Variants in ROBO2 observed in about 807,000 individuals in gnomAD.
ROBO2 encodes the protein roundabout guidance receptor 2.
ROBO2 carries 53 observed loss-of-function variants against 160.8 expected under a neutral mutation model. The observed-to-expected ratio is 0.33, with a 90% CI of 0.26 to 0.41. The LOEUF is 0.41. Among genes scored for constraint, ROBO2 ranks in the 10% least tolerant of loss-of-function variants. ROBO2 has a pLI of 1.00. For synonymous variants in ROBO2, 664 were observed against 611.7 expected (o/e 1.09, Z -1.26); for missense variants, 1,577 against 1,722.4 (o/e 0.92, Z 1.49).
At chr3:77,499,576 A>G (rs1311141111) in intron 5 of ROBO2, among the ~76,000 whole-genome samples, 2 of 151,896 alleles carry the variant, frequency 1.3e-5, no homozygotes, top group Non-Finnish European at 2.9e-5. Context: ...ATATAATGAC[A>G]CATTTTCCTA....
chr3:77,510,837 A>G (rs906707997), intron 5 of ROBO2, among the ~76,000 whole-genome samples: 1 of 152,056 alleles, frequency 6.6e-6, no homozygotes, highest in Non-Finnish European at 1.5e-5. Context: ...TATGTCAGAC[A>G]CGGAGTAATT....
rs188837245 is a variant in ROBO2, at chr3:76,405,191, A to T, written c.109+467589A>T. Among the ~76,000 whole-genome samples the T allele has an allele frequency of 6.9e-4, 105 of 151,678 alleles. 1 individual carries two copies. Among genetic ancestry groups the T allele is most frequent in the Non-Finnish European group, 1.2e-3 (78 of 67,686 alleles). The stretch of plus-strand genomic sequence containing the variant: ...TGAACACAGATTTAAATAATAAGGT[A>T]TGAGCCTTGGGAAAAATCCAGCCAG... On this transcript the variant is annotated intron_variant, in intron 2 of 26. Coordinates refer to the ROBO2 transcript ENST00000487694.
intron 2 of ROBO2, among the ~76,000 whole-genome samples, chr3:76,877,629 G>A (rs2072890927): frequency 6.6e-6 from 1 of 152,154 alleles, no homozygotes; most frequent in Non-Finnish European, 1.5e-5. Context: ...ACAGTAGATA[G>A]TCTATACATA....
rs565916643 is a variant in ROBO2, at chr3:75,990,017, A to G, written c.109+52415A>G. ...ATAAAAAATATCTCAACTGTATTGC[A>G]TAATTTCTAAACTGTAACTTTTCTA... On this transcript the variant is annotated intron_variant, in intron 2 of 26. Coordinates refer to the ROBO2 transcript ENST00000487694. Among the ~76,000 whole-genome samples the G allele has an allele frequency of 3.0e-3, 455 of 152,320 alleles. 3 individuals carry two copies. Among genetic ancestry groups the G allele is most frequent in the Non-Finnish European group, 4.2e-3 (289 of 68,030 alleles).
intron 2 of ROBO2, among the ~76,000 whole-genome samples, chr3:76,218,360 A>T (rs1236073556): frequency 6.6e-6 from 1 of 152,194 alleles, no homozygotes; most frequent in East Asian, 1.9e-4. Flanking sequence ...TTAGGAAAAG[A>T]GGAAGTCAAA....
At chr3:76,681,164 T>C (rs1001618569) in intron 2 of ROBO2, among the ~76,000 whole-genome samples, 18 of 152,144 alleles carry the variant, frequency 1.2e-4, no homozygotes, top group African/African-American at 3.4e-4. Context: ...TAATCTAAAA[T>C]CAAACTTTAA....
chr3:77,054,946 G>GTGTGTC (rs1380603171), intron 1 of ROBO2, among the ~76,000 whole-genome samples: 2 of 151,868 alleles, frequency 1.3e-5, no homozygotes, highest in Non-Finnish European at 2.9e-5. Context: ...GTGTGTGTGT[G>GTGTGTC]TGTGTGTGTA....
At chr3:76,477,386 G>T (rs2078983705) in intron 2 of ROBO2, among the ~76,000 whole-genome samples, 8 of 152,032 alleles carry the variant, frequency 5.3e-5, no homozygotes, top group Admixed American at 5.3e-4. Context: ...TGATTAAACA[G>T]CACCCTACTC....
rs569977682 is a variant in ROBO2 at position 76,287,808 on chromosome 3, T to A, written c.109+350206T>A. Among the ~76,000 whole-genome samples, 13 of 152,354 alleles carry A rather than the reference T, an allele frequency of 8.5e-5. No homozygotes were observed. In the South Asian group the frequency reaches 2.7e-3, roughly 32 times the overall value. ...GGTTGCTGTGAGAAATAAAGTAAGA[T>A]ACATATCTGCACTTAGAAAACTGTC... On this transcript the variant is annotated intron_variant, in intron 2 of 26. Coordinates refer to the ROBO2 transcript ENST00000487694.
chr3:76,762,083 G>T (rs2061338032), intron 2 of ROBO2, among the ~76,000 whole-genome samples: 1 of 151,266 alleles, frequency 6.6e-6, no homozygotes, highest in African/African-American at 2.4e-5. Context: ...ACTTCATAAT[G>T]TGGAGGAGTC....
intron 1 of ROBO2, among the ~76,000 whole-genome samples, chr3:75,920,751 C>A (rs565796023): frequency 1.3e-5 from 2 of 152,260 alleles, no homozygotes; most frequent in East Asian, 3.9e-4. Context: ...GTTAGCTCTT[C>A]TTGTTGCATT....
rs562327656 is a variant in ROBO2 at position 77,389,089 on chromosome 3, C to T, written c.389-88325C>T. Among the ~76,000 whole-genome samples the T allele has an allele frequency of 8.2e-4, 125 of 152,138 alleles. 1 individual carries two copies. Among genetic ancestry groups the T allele is most frequent in the African/African-American group, 2.9e-3 (122 of 41,506 alleles). ...CCTCCCGAGTAGCTGGGATTACAGC[C>T]GCCCGCCACCATGCCTGGTTAATTT... On this transcript the variant is annotated intron_variant, in intron 2 of 25. Coordinates refer to ENST00000461745, the Ensembl canonical transcript of ROBO2.
chr3:76,097,989 A>G (rs1016045964), intron 2 of ROBO2, among the ~76,000 whole-genome samples: 3 of 151,638 alleles, frequency 2.0e-5, no homozygotes, highest in Non-Finnish European at 2.9e-5. Context: ...ATTTTTTGAC[A>G]CCCTTGAAAT....
chr3:76,310,875 C>T (rs892049112), intron 2 of ROBO2, among the ~76,000 whole-genome samples: 4 of 152,188 alleles, frequency 2.6e-5, no homozygotes, highest in Non-Finnish European at 4.4e-5. Flanking sequence ...GTTGGTTGCA[C>T]GGCTATTAGG....
chr3:76,807,233 A>T (rs868071878), intron 2 of ROBO2, among the ~76,000 whole-genome samples: 1 of 152,196 alleles, frequency 6.6e-6, no homozygotes. Context: ...TCAGCATGTC[A>T]GTAGTGGAAT....
intron 2 of ROBO2, among the ~76,000 whole-genome samples, chr3:76,160,426 T>C (rs1325758654): frequency 6.8e-6 from 1 of 148,068 alleles, no homozygotes; most frequent in Non-Finnish European, 1.5e-5. Flanking sequence ...GAGATTTCTA[T>C]GATGTTGGCA....
rs115706475 is a variant in ROBO2 at position 77,425,250 on chromosome 3, G to C, written c.389-52164G>C. Among the ~76,000 whole-genome samples, 683 of 151,090 alleles carry C rather than the reference G, an allele frequency of 4.5e-3. 5 individuals carry two copies. The highest frequency in any genetic ancestry group is 0.013 in the African/African-American group (533 of 41,240). On this transcript the variant is annotated intron_variant, in intron 2 of 25. Coordinates refer to ENST00000461745, the Ensembl canonical transcript of ROBO2. ...TTTGCTCTTATGGAGCTTTGAACTA[G>C]TAAGGAGATATATAATAATTACAGA...
At chr3:75,921,984 T>C (rs1225738257) in intron 1 of ROBO2, among the ~76,000 whole-genome samples, 1 of 152,130 alleles carries the variant, frequency 6.6e-6, no homozygotes, top group African/African-American at 2.4e-5. Flanking sequence ...CCTGAAGCCA[T>C]AAGGAAGCAA....
At chr3:76,611,499 A>G (rs890887912) in intron 2 of ROBO2, among the ~76,000 whole-genome samples, 1 of 152,090 alleles carries the variant, frequency 6.6e-6, no homozygotes, top group African/African-American at 2.4e-5. Flanking sequence ...CAGTCTAGGT[A>G]GGATGTATGT....
Sources: gnomAD v4.1 joint callset for allele counts (sites outside exome capture counted in the v4.1 genomes callset) on GRCh38, gnomAD v4.1.1 for gene constraint, MANE v1.5 for transcripts, NCBI Gene and HGNC (gene_info 2026-07-23, HGNC 2026-07-21) for gene names.